Variants in KCNT2 observed in about 807,000 individuals in gnomAD.
The protein encoded by KCNT2 is potassium channel subfamily T member 2.
A neutral mutation model predicts 153.8 loss-of-function variants in KCNT2; 67 were observed. The ratio of observed to expected loss-of-function variants is 0.44; its 90% CI spans 0.36 to 0.53. The LOEUF (loss-of-function observed/expected upper bound fraction) is 0.53. KCNT2 is among the 20% of genes least tolerant of loss of function. KCNT2 has a pLI of 0.00. For synonymous variants in KCNT2, 500 were observed against 458.8 expected (o/e 1.09, Z -1.15); for missense variants, 975 against 1,354.8 (o/e 0.72, Z 4.40).
At chr1:196,532,780 A>C (rs1308393418) in intron 1 of KCNT2, among the ~76,000 whole-genome samples, 1 of 152,020 alleles carries the variant, frequency 6.6e-6, no homozygotes, top group Non-Finnish European at 1.5e-5. Flanking sequence ...CTACTTTATT[A>C]ATATACTTTG....
At chr1:196,292,825 A>AG (rs1203693654) in intron 22 of KCNT2, among the ~76,000 whole-genome samples, 3 of 151,180 alleles carry the variant, frequency 2.0e-5, no homozygotes, top group Non-Finnish European at 4.4e-5. Context: ...AAAAAAAAAA[A>AG]AAAAAAAAAG....
rs771112042 is a variant in KCNT2 at position 196,340,526 on chromosome 1, T to G, written c.1598A>C (p.Asn533Thr). 3 of 1,610,862 alleles carry G rather than the reference T, an allele frequency of 1.9e-6. No homozygotes were observed. The South Asian group carries it at 3.3e-5, about 18-fold the overall frequency. The change falls in exon 16 of 28, where the codon AAC (asparagine) becomes ACC (threonine). Residue 533 changes from asparagine to threonine, a missense_variant. Physicochemically the swap from Asn to Thr is moderately conservative, Grantham distance 65 (BLOSUM62 0). Transcript: ENST00000294725. The part of the protein sequence containing the change: ...LIGVRREDNK[N>T]ILLNPGPRYI... Reference sequence around the variant, plus strand: ...TCGAGGACCTGGATTCAGCAAAATGTTTTTATTATCCTCCCTCCTAACACC... The same window carrying G: ...TCGAGGACCTGGATTCAGCAAAATGGTTTTATTATCCTCCCTCCTAACACC...
intron 1 of KCNT2, among the ~76,000 whole-genome samples, chr1:196,599,883 C>G (rs1392995425): frequency 6.6e-6 from 1 of 152,162 alleles, no homozygotes; most frequent in Non-Finnish European, 1.5e-5. Context: ...TTTCAGGCAA[C>G]TAGGGCTTTC....
At chr1:196,583,780 T>C (rs747315580) in intron 1 of KCNT2, among the ~76,000 whole-genome samples, 1 of 151,892 alleles carries the variant, frequency 6.6e-6, no homozygotes, top group East Asian at 1.9e-4. Flanking sequence ...GAAACGTAAG[T>C]AGAGCCATAG....
rs1210562227 is a variant in KCNT2 at position 196,226,461 on chromosome 1, A to T, written c.*1763T>A. The T allele has an allele frequency of 6.6e-6, 1 of 152,022 alleles. No homozygotes were observed. Among genetic ancestry groups the T allele is most frequent in the Non-Finnish European group, 1.5e-5 (1 of 67,878 alleles). The allele number at this position is 152,022 out of a possible 1,614,324, so 9.4% of individuals were successfully genotyped here. Reference sequence around the variant, plus strand: ...ATATGCATACAATCTTTAAGTTTTAAGGCATGCTCCCAATTTTAGCTAACC... The same window carrying T: ...ATATGCATACAATCTTTAAGTTTTATGGCATGCTCCCAATTTTAGCTAACC... On this transcript the variant is annotated 3_prime_UTR_variant, in exon 28 of 28. Coordinates refer to ENST00000294725, the MANE Select transcript of KCNT2 (RefSeq NM_198503.5).
chr1:196,597,185 C>G (rs1473987614), intron 1 of KCNT2, among the ~76,000 whole-genome samples: 1 of 151,922 alleles, frequency 6.6e-6, no homozygotes, highest in Non-Finnish European at 1.5e-5. Context: ...TATCTATTGA[C>G]TACATTTACA....
chr1:196,488,347 T>C (rs970830188), intron 3 of KCNT2, among the ~76,000 whole-genome samples: 1 of 152,022 alleles, frequency 6.6e-6, no homozygotes, highest in Non-Finnish European at 1.5e-5. Context: ...AAACAGAACA[T>C]TGTATTCAAA....
At chr1:196,434,290 A>G (rs761834765) in intron 8 of KCNT2, among the ~76,000 whole-genome samples, 57 of 152,240 alleles carry the variant, frequency 3.7e-4, no homozygotes, top group Non-Finnish European at 6.5e-4. Flanking sequence ...GAGAACAGAG[A>G]AGAAAGATAA....
At chr1:196,384,494 C>A (rs1198636874) in intron 13 of KCNT2, among the ~76,000 whole-genome samples, 2 of 152,018 alleles carry the variant, frequency 1.3e-5, no homozygotes, top group Non-Finnish European at 2.9e-5. Context: ...GAGTTCGAAA[C>A]CAGCTTGACC....
chr1:196,528,091 C>T (rs1654477980), intron 1 of KCNT2, among the ~76,000 whole-genome samples: 1 of 152,216 alleles, frequency 6.6e-6, no homozygotes, highest in African/African-American at 2.4e-5. Context: ...TTCCAGATCA[C>T]AAATTAAAAC....
chr1:196,420,418 G>T (rs773521333), intron 12 of KCNT2, among the ~76,000 whole-genome samples: 1 of 151,480 alleles, frequency 6.6e-6, no homozygotes, highest in Non-Finnish European at 1.5e-5. Flanking sequence ...TGTTAGAAAT[G>T]TCCTCAAATC....
intron 26 of KCNT2, among the ~76,000 whole-genome samples, chr1:196,244,017 G>C (rs542298774): frequency 6.6e-6 from 1 of 152,098 alleles, no homozygotes; most frequent in East Asian, 1.9e-4. Flanking sequence ...TAGTATGATA[G>C]GGCACCAGGC....
At chr1:196,517,965 A>C (rs989717919) in intron 1 of KCNT2, among the ~76,000 whole-genome samples, 1 of 152,194 alleles carries the variant, frequency 6.6e-6, no homozygotes, top group African/African-American at 2.4e-5. Context: ...ACACATAATC[A>C]TCAGATTTTC....
rs200547690 is a variant in KCNT2 at position 196,333,879 on chromosome 1, A to G, written c.1965T>C (p.Thr655=). The change falls in exon 17 of 28, where the codon ACT becomes ACC. Residue 655 remains threonine, a synonymous_variant. Coordinates refer to ENST00000294725, the MANE Select transcript of KCNT2 (RefSeq NM_198503.5). ...DLLSDQSEDE[T]TPDEEMSSNL... ...TTGAAGACATTTCTTCATCTGGTGTAGTTTCATCTTCTGATTGGTCACTTA... is the reference window on the plus strand; with the variant it reads ...TTGAAGACATTTCTTCATCTGGTGTGGTTTCATCTTCTGATTGGTCACTTA... The G allele has an allele frequency of 5.6e-5, 91 of 1,611,264 alleles. 1 individual carries two copies. The East Asian group carries it at 1.3e-3, about 23-fold the overall frequency.
intron 15 of KCNT2, among the ~76,000 whole-genome samples, chr1:196,341,234 T>C (rs1665595359): frequency 6.6e-6 from 1 of 152,052 alleles, no homozygotes; most frequent in Admixed American, 6.6e-5. Context: ...AACATACTCA[T>C]AACACTTACA....
chr1:196,545,148 A>G (rs1259970125), intron 1 of KCNT2, among the ~76,000 whole-genome samples: 1 of 152,118 alleles, frequency 6.6e-6, no homozygotes, highest in Admixed American at 6.6e-5. Flanking sequence ...AAAAGTTACT[A>G]GTGGAACCTC....
intron 7 of KCNT2, among the ~76,000 whole-genome samples, chr1:196,466,606 T>C (rs1486472088): frequency 2.6e-5 from 4 of 152,094 alleles, no homozygotes; most frequent in African/African-American, 9.7e-5. Flanking sequence ...TAAAATACTA[T>C]ACATACATAT....
chr1:196,520,067 G>T (rs1030833199), intron 1 of KCNT2, among the ~76,000 whole-genome samples: 5 of 152,008 alleles, frequency 3.3e-5, no homozygotes, highest in Admixed American at 1.3e-4. Flanking sequence ...ACAAAATACT[G>T]GCAAACCAAA....
At chr1:196,272,467 G>T (rs1018068640) in intron 25 of KCNT2, among the ~76,000 whole-genome samples, 4 of 151,768 alleles carry the variant, frequency 2.6e-5, no homozygotes, top group Admixed American at 6.6e-5. Flanking sequence ...GTACTTACCT[G>T]GATGCATTTG....
Sources: allele counts gnomAD v4.1 joint callset (sites outside exome capture counted in the v4.1 genomes callset), GRCh38; gene constraint gnomAD v4.1.1; transcripts MANE v1.5; gene names NCBI Gene and HGNC (gene_info 2026-07-23, HGNC 2026-07-21).